The following OR51B5 variants were observed in gnomAD, a reference collection of about 807,000 sequenced individuals.
OR51B5 encodes olfactory receptor family 51 subfamily B member 5.
For missense variants in OR51B5, 456 were observed against 374.6 expected (o/e 1.22, Z -1.79); for synonymous variants, 186 against 144.8 (o/e 1.28, Z -2.04).
At chr11:5,452,683 G>A (rs10838135) in intron 1 of OR51B5, among the ~76,000 whole-genome samples, 41,090 of 151,778 alleles carry the variant, frequency 0.27, 7,012 homozygotes, top group Non-Finnish European at 0.38. Flanking sequence ...GTACATTAAT[G>A]TGTCCTTGTG....
At chr11:5,344,586 G>A (rs989574554), upstream of OR51B5, among the ~76,000 whole-genome samples, 1 of 152,116 alleles carries the variant, frequency 6.6e-6, no homozygotes, top group Admixed American at 6.6e-5. Flanking sequence ...TATTCCTTCT[G>A]CCACTAGACT....
At chr11:5,464,039 G>C (rs1014854967) in intron 1 of OR51B5, among the ~76,000 whole-genome samples, 1 of 152,260 alleles carries the variant, frequency 6.6e-6, no homozygotes, top group South Asian at 2.1e-4. Flanking sequence ...ACTACAAGCT[G>C]GGGAAATTGC....
chr11:5,477,132 G>A (rs1262728756), intron 1 of OR51B5, among the ~76,000 whole-genome samples: 1 of 152,198 alleles, frequency 6.6e-6, no homozygotes, highest in East Asian at 1.9e-4. Flanking sequence ...GATATGGATT[G>A]TAGTGATGGT....
chr11:5,373,920 G>C (rs1192144473), intron 1 of OR51B5, among the ~76,000 whole-genome samples: 1 of 152,140 alleles, frequency 6.6e-6, no homozygotes, highest in Non-Finnish European at 1.5e-5. Flanking sequence ...CAAACAAAAA[G>C]ACAGCAGTAA....
intron 1 of OR51B5, among the ~76,000 whole-genome samples, chr11:5,360,011 T>C (rs1342761004): frequency 3.3e-5 from 5 of 152,206 alleles, no homozygotes; most frequent in Non-Finnish European, 7.3e-5. Flanking sequence ...GATTACAGAC[T>C]TAAATGTTAG....
chr11:5,429,642 G>A (rs925506131), intron 1 of OR51B5, among the ~76,000 whole-genome samples: 5 of 152,092 alleles, frequency 3.3e-5, no homozygotes, highest in Non-Finnish European at 7.4e-5. Context: ...CAGAGGGGAG[G>A]GGACCCACTA....
At chr11:5,466,216 T>G (rs1851137016) in intron 1 of OR51B5, among the ~76,000 whole-genome samples, 1 of 152,226 alleles carries the variant, frequency 6.6e-6, no homozygotes, top group Non-Finnish European at 1.5e-5. Flanking sequence ...AACAAATATA[T>G]TTTATTTCAT....
At chr11:5,345,927 C>T (rs1434485291), upstream of OR51B5, 1 of 152,150 alleles carries the variant, frequency 6.6e-6, no homozygotes, top group Non-Finnish European at 1.5e-5. Flanking sequence ...GAATTCAGTG[C>T]CTACTGAACA....
intron 1 of OR51B5, among the ~76,000 whole-genome samples, chr11:5,397,852 C>G (rs1362015116): frequency 6.6e-6 from 1 of 151,252 alleles, no homozygotes; most frequent in Non-Finnish European, 1.5e-5. Context: ...ACATATACAC[C>G]ATGGAATACT....
chr11:5,489,702 G>A, intron 1 of OR51B5: 2 of 1,329,000 alleles, frequency 1.5e-6, no homozygotes, highest in Non-Finnish European at 2.1e-6. Context: ...AAAAGTGTAG[G>A]ATGGCTGTCT....
At chr11:5,447,097 T>G (rs1020186650) in intron 1 of OR51B5, among the ~76,000 whole-genome samples, 3 of 152,172 alleles carry the variant, frequency 2.0e-5, no homozygotes, top group Admixed American at 2.0e-4. Flanking sequence ...TGAAAGCCCC[T>G]AGGAGATCAT....
chr11:5,462,000 C>A (rs1851060682), intron 1 of OR51B5, among the ~76,000 whole-genome samples: 1 of 152,156 alleles, frequency 6.6e-6, no homozygotes, highest in African/African-American at 2.4e-5. Flanking sequence ...ATGGCTCTCT[C>A]CCCAATCAAA....
chr11:5,378,352 A>G (rs540651340), intron 1 of OR51B5, among the ~76,000 whole-genome samples: 1 of 152,212 alleles, frequency 6.6e-6, no homozygotes, highest in South Asian at 2.1e-4. Context: ...TAAAACCATA[A>G]AAACCCTAGA....
chr11:5,411,118 C>G (rs952915148), intron 1 of OR51B5, among the ~76,000 whole-genome samples: 3 of 152,194 alleles, frequency 2.0e-5, no homozygotes, highest in Non-Finnish European at 4.4e-5. Flanking sequence ...GACTTTTCAT[C>G]CACTCACCAC....
intron 1 of OR51B5, among the ~76,000 whole-genome samples, chr11:5,419,376 A>G (rs188481703): frequency 2.1e-3 from 321 of 152,344 alleles, no homozygotes; most frequent in Admixed American, 3.8e-3. Flanking sequence ...CAACAGAACT[A>G]CAGTTGGTCC....
At chr11:5,396,097 C>G (rs1335973950) in intron 1 of OR51B5, among the ~76,000 whole-genome samples, 1 of 152,176 alleles carries the variant, frequency 6.6e-6, no homozygotes, top group Non-Finnish European at 1.5e-5. Flanking sequence ...TAATACAGAT[C>G]TGGTCCCAGA....
At chr11:5,418,255 T>A (rs1157882653) in intron 1 of OR51B5, among the ~76,000 whole-genome samples, 1 of 151,612 alleles carries the variant, frequency 6.6e-6, no homozygotes, top group African/African-American at 2.4e-5. Flanking sequence ...GGGACTGTTG[T>A]GGGGTGCGGG....
chr11:5,352,956 G>A (rs370925753), intron 1 of OR51B5, among the ~76,000 whole-genome samples: 25 of 149,802 alleles, frequency 1.7e-4, no homozygotes, highest in African/African-American at 3.4e-4. Flanking sequence ...TTGGGTCACC[G>A]GCATTTCAGT....
upstream of OR51B5, among the ~76,000 whole-genome samples, chr11:5,344,181 C>T (rs1301426441): frequency 6.6e-6 from 1 of 152,146 alleles, no homozygotes; most frequent in Non-Finnish European, 1.5e-5. Context: ...TAGAATCCTT[C>T]AGTACTACTC....
Sources: gnomAD v4.1 joint callset for allele counts (sites outside exome capture counted in the v4.1 genomes callset) on GRCh38, gnomAD v4.1.1 for gene constraint, MANE v1.5 for transcripts, NCBI Gene and HGNC (gene_info 2026-07-23, HGNC 2026-07-21) for gene names.